The following MAGI2 variants were observed in gnomAD, a reference collection of about 807,000 sequenced individuals.
MAGI2 encodes the protein membrane associated guanylate kinase, WW and PDZ domain containing 2.
MAGI2 carries 35 observed loss-of-function variants against 133.3 expected under a neutral mutation model. The ratio of observed to expected loss-of-function variants is 0.26; its 90% CI spans 0.20 to 0.35. The LOEUF is 0.35. Among genes scored for constraint, MAGI2 ranks in the 10% least tolerant of loss-of-function variants. The pLI is 1.00. For missense variants in MAGI2, 1,636 were observed against 1,863.4 expected, an observed-to-expected ratio of 0.88 and a Z score of 2.25; for synonymous variants, 729 against 710.6, an observed-to-expected ratio of 1.03 and a Z score of -0.41.
intron 2 of MAGI2, among the ~76,000 whole-genome samples, chr7:78,656,078 C>A (rs1211566646): frequency 6.6e-6 from 1 of 151,078 alleles, no homozygotes; most frequent in African/African-American, 2.4e-5. Context: ...AACTATACAT[C>A]AAAACACATT....
chr7:78,471,799 C>A (rs529631883), intron 6 of MAGI2, among the ~76,000 whole-genome samples: 35 of 152,062 alleles, frequency 2.3e-4, no homozygotes, highest in African/African-American at 8.4e-4. Flanking sequence ...GTGGTGTGCA[C>A]TTGTAATCCC....
At chr7:78,666,490 G>C (rs1045012979) in intron 2 of MAGI2, among the ~76,000 whole-genome samples, 2 of 152,088 alleles carry the variant, frequency 1.3e-5, no homozygotes, top group South Asian at 2.1e-4. Context: ...AAGTTGTAGA[G>C]AACAAGTCTC....
At chr7:78,585,181 T>G (rs1584742438) in intron 3 of MAGI2, among the ~76,000 whole-genome samples, 1 of 152,176 alleles carries the variant, frequency 6.6e-6, no homozygotes, top group East Asian at 1.9e-4. Flanking sequence ...CATTCAAATC[T>G]ATTGTGTGTC....
chr7:79,139,119 C>T (rs1306335398), intron 1 of MAGI2, among the ~76,000 whole-genome samples: 1 of 152,090 alleles, frequency 6.6e-6, no homozygotes, highest in East Asian at 1.9e-4. Context: ...CTCCTGACAG[C>T]TTGATCTTGA....
chr7:78,646,942 A>T (rs1016183759), intron 2 of MAGI2, among the ~76,000 whole-genome samples: 1 of 152,182 alleles, frequency 6.6e-6, no homozygotes, highest in African/African-American at 2.4e-5. Flanking sequence ...TTATGATTAG[A>T]CACAATTGAG....
At chr7:79,180,135 T>C (rs527748367) in intron 1 of MAGI2, among the ~76,000 whole-genome samples, 2 of 152,108 alleles carry the variant, frequency 1.3e-5, no homozygotes, top group South Asian at 4.1e-4. Flanking sequence ...AAAAGAGACA[T>C]ATAAATGAGC....
chr7:78,117,624 C>T (rs1022191053), intron 20 of MAGI2, among the ~76,000 whole-genome samples: 1 of 151,832 alleles, frequency 6.6e-6, no homozygotes, highest in African/African-American at 2.4e-5. Flanking sequence ...AACAAAAGTG[C>T]CTGCTTTGAC....
intron 6 of MAGI2, among the ~76,000 whole-genome samples, chr7:78,393,176 G>T (rs1796053303): frequency 6.6e-6 from 1 of 152,104 alleles, no homozygotes; most frequent in African/African-American, 2.4e-5. Context: ...AGTTGGAGGT[G>T]GGTGTTGCTT....
At chr7:78,369,027 T>C in intron 7 of MAGI2, 129 bp downstream of exon 7, 1 of 588,990 alleles carries the variant, frequency 1.7e-6, no homozygotes, top group Admixed American at 3.4e-5. Flanking sequence ...CTGCTAGTCT[T>C]GGTGGATACT....
At chr7:78,769,742 G>A (rs1170571035) in intron 2 of MAGI2, among the ~76,000 whole-genome samples, 1 of 152,132 alleles carries the variant, frequency 6.6e-6, no homozygotes, top group Non-Finnish European at 1.5e-5. Context: ...GGTCCAAAGG[G>A]ACTCAGCCAG....
At chr7:78,757,725 C>T (rs892477233) in intron 2 of MAGI2, among the ~76,000 whole-genome samples, 1 of 152,138 alleles carries the variant, frequency 6.6e-6, no homozygotes, top group African/African-American at 2.4e-5. Flanking sequence ...GGTGTGACTT[C>T]TTGGTCTCTT....
chr7:79,225,043 A>C (rs1327043463), intron 1 of MAGI2, among the ~76,000 whole-genome samples: 1 of 152,132 alleles, frequency 6.6e-6, no homozygotes, highest in Non-Finnish European at 1.5e-5. Flanking sequence ...GCACTTTTTA[A>C]ACAATCTCCT....
intron 2 of MAGI2, among the ~76,000 whole-genome samples, chr7:78,685,494 G>T (rs1816187725): frequency 6.9e-6 from 1 of 145,676 alleles, no homozygotes; most frequent in African/African-American, 2.5e-5. Flanking sequence ...AGCCCCACGA[G>T]TAAAATCCTC....
chr7:78,207,074 AAGAG>A (rs1787173373), intron 10 of MAGI2, among the ~76,000 whole-genome samples: 1 of 152,182 alleles, frequency 6.6e-6, no homozygotes, highest in Admixed American at 6.5e-5. Context: ...AAAAAGTGAA[AAGAG>A]AGAACAAAAG....
intron 2 of MAGI2, among the ~76,000 whole-genome samples, chr7:78,929,992 G>T (rs1401862693): frequency 6.6e-6 from 1 of 152,092 alleles, no homozygotes; most frequent in African/African-American, 2.4e-5. Context: ...CTTTTAATTT[G>T]GGGCTGGGAT....
At chr7:78,470,268 T>C (rs7806044) in intron 6 of MAGI2, among the ~76,000 whole-genome samples, 52,591 of 152,034 alleles carry the variant, frequency 0.35, 11,208 homozygotes, top group African/African-American at 0.58. Flanking sequence ...GTACCTTTTG[T>C]TCTGACCACT....
chr7:78,746,382 C>G (rs2151267454), intron 2 of MAGI2, among the ~76,000 whole-genome samples: 1 of 152,314 alleles, frequency 6.6e-6, no homozygotes, highest in Non-Finnish European at 1.5e-5. Context: ...CCCTCTCAAG[C>G]TCCACCCTTT....
At chr7:78,548,203 G>A (rs888352270) in intron 3 of MAGI2, among the ~76,000 whole-genome samples, 2 of 152,164 alleles carry the variant, frequency 1.3e-5, no homozygotes, top group South Asian at 2.1e-4. Context: ...CATTTCTAAC[G>A]TTGGAAAGTT....
intron 1 of MAGI2, among the ~76,000 whole-genome samples, chr7:79,373,517 A>G (rs779954289): frequency 6.6e-6 from 1 of 152,074 alleles, no homozygotes; most frequent in Non-Finnish European, 1.5e-5. Context: ...ATATTCAATT[A>G]ATGTATTATC....
Sources: gnomAD v4.1 joint callset for allele counts (sites outside exome capture counted in the v4.1 genomes callset) on GRCh38, gnomAD v4.1.1 for gene constraint, MANE v1.5 for transcripts, NCBI Gene and HGNC (gene_info 2026-07-23, HGNC 2026-07-21) for gene names.